The following SLCO3A1 variants were observed in gnomAD, a reference collection of about 807,000 sequenced individuals.
SLCO3A1 encodes solute carrier organic anion transporter family member 3A1.
Under a neutral mutation model 63.1 loss-of-function variants are expected in SLCO3A1, and 27 were observed. That is an observed-to-expected ratio of 0.43 (90% CI 0.32 to 0.59). The LOEUF is 0.59. Among genes scored for constraint, SLCO3A1 ranks in the 20% least tolerant of loss-of-function variants. The pLI, the probability that SLCO3A1 is intolerant of heterozygous loss-of-function variation, is 0.09. For synonymous variants in SLCO3A1, 473 were observed against 409.9 expected, an observed-to-expected ratio of 1.15 and a Z score of -1.86; for missense variants, 773 against 945.8, an observed-to-expected ratio of 0.82 and a Z score of 2.40.
At chr15:91,931,662 G>A (rs964351440) in intron 2 of SLCO3A1, among the ~76,000 whole-genome samples, 4 of 151,858 alleles carry the variant, frequency 2.6e-5, no homozygotes, top group African/African-American at 9.7e-5. Flanking sequence ...GTAGAGATGG[G>A]GTTTCACCAT....
chr15:91,922,596 A>G (rs950774385), intron 2 of SLCO3A1, among the ~76,000 whole-genome samples: 1 of 152,220 alleles, frequency 6.6e-6, no homozygotes, highest in Non-Finnish European at 1.5e-5. Flanking sequence ...TTTTAACTTG[A>G]CATTGGGTAA....
intron 1 of SLCO3A1, among the ~76,000 whole-genome samples, chr15:91,876,318 T>A (rs1188352423): frequency 2.0e-5 from 3 of 152,216 alleles, no homozygotes; most frequent in African/African-American, 7.2e-5. Flanking sequence ...TAAACGCTAG[T>A]GACTGTGATC....
intron 1 of SLCO3A1, among the ~76,000 whole-genome samples, chr15:91,868,443 C>T (rs772474318): frequency 5.0e-5 from 7 of 139,088 alleles, no homozygotes; most frequent in African/African-American, 1.1e-4. Context: ...TTGGAAAATA[C>T]AAATAAACAT....
chr15:91,870,304 C>T (rs1897255614), intron 1 of SLCO3A1, among the ~76,000 whole-genome samples: 1 of 152,144 alleles, frequency 6.6e-6, no homozygotes, highest in South Asian at 2.1e-4. Context: ...AGTTTAATTT[C>T]ACTGAAACTT....
intron 5 of SLCO3A1, among the ~76,000 whole-genome samples, chr15:92,121,974 G>A (rs2047868095): frequency 6.6e-6 from 1 of 152,240 alleles, no homozygotes; most frequent in Non-Finnish European, 1.5e-5. Flanking sequence ...AAGCCCACGA[G>A]AGGGAAGGAG....
chr15:91,884,907 G>A (rs766570314), intron 1 of SLCO3A1, among the ~76,000 whole-genome samples: 42 of 151,962 alleles, frequency 2.8e-4, no homozygotes, highest in Non-Finnish European at 4.6e-4. Flanking sequence ...GAGCATCACG[G>A]AAACTAGTCA....
chr15:92,026,530 C>G (rs963992126), intron 2 of SLCO3A1, among the ~76,000 whole-genome samples: 1 of 152,096 alleles, frequency 6.6e-6, no homozygotes, highest in African/African-American at 2.4e-5. Flanking sequence ...CAGCTAGAGT[C>G]CACAGTAATT....
In SLCO3A1 at chr15:91,917,236, GCTGGATTTTT is replaced by G. The variant is rs376045888; in HGVS notation, c.646+782_646+791del. Reference sequence around the variant, plus strand: ...AGTATAATTCTGTCTCCTGCCAGCTGCTGGATTTTTCTGACATCCCCAGTCACTGAGTGCT... The same window carrying G: ...AGTATAATTCTGTCTCCTGCCAGCTGCTGACATCCCCAGTCACTGAGTGCT... On this transcript the variant is annotated intron_variant, in intron 2 of 9. Coordinates refer to ENST00000318445, the MANE Select transcript of SLCO3A1 (RefSeq NM_013272.4). Among the ~76,000 whole-genome samples the G allele has an allele frequency of 4.1e-3, 622 of 152,256 alleles. 7 individuals carry two copies. The highest frequency in any genetic ancestry group is 0.014 in the African/African-American group (594 of 41,542).
rs2047117090 is a variant in SLCO3A1, at chr15:92,063,890, A to G, written c.647-30991A>G. On this transcript the variant is annotated intron_variant, in intron 2 of 9. Transcript: ENST00000318445. ...AAAAAAATCATGAAGCCAGGCAGGC[A>G]TTGTTTTATTGTTGTTGTTCTTTTG... Among the ~76,000 whole-genome samples the G allele has an allele frequency of 2.6e-5, 4 of 152,130 alleles. No individual in the cohort carries two copies. The South Asian group carries it at 8.3e-4, about 32-fold the overall frequency.
intron 1 of SLCO3A1, among the ~76,000 whole-genome samples, chr15:91,899,565 A>G (rs189112955): frequency 2.0e-5 from 3 of 152,022 alleles, no homozygotes; most frequent in Admixed American, 1.3e-4. Flanking sequence ...ACCACATTCC[A>G]CCTTACATTT....
At chr15:91,888,077 A>T (rs1897772247) in intron 1 of SLCO3A1, among the ~76,000 whole-genome samples, 1 of 152,358 alleles carries the variant, frequency 6.6e-6, no homozygotes, top group South Asian at 2.1e-4. Flanking sequence ...AAACCAAAGT[A>T]AAAGAGCTTT....
At chr15:91,918,671 TAGTG>T (rs1898741267) in intron 2 of SLCO3A1, among the ~76,000 whole-genome samples, 3 of 152,244 alleles carry the variant, frequency 2.0e-5, no homozygotes, top group African/African-American at 7.2e-5. Flanking sequence ...GTGTTTGTGG[TAGTG>T]AGAATATTTC....
In SLCO3A1 at chr15:91,954,836, G is replaced by A. The variant is rs570491744; in HGVS notation, c.646+38378G>A. 2.6e-5 allele frequency among the ~76,000 whole-genome samples: 4 copies of A among 152,132 alleles called. No individual in the cohort carries two copies. The highest frequency in any genetic ancestry group is 3.9e-4 in the East Asian group (2 of 5,164). ...TGGCCTAGACACCATACCCTGAACC[G>A]CCCCCCGTGGTCTCCCGCTGCTTTC... On this transcript the variant is annotated intron_variant, in intron 2 of 9. Transcript: ENST00000318445. This position sits in a 1 kb window ranked among gnomAD's most constrained non-coding sequence, Gnocchi z 4.7.
intron 2 of SLCO3A1, among the ~76,000 whole-genome samples, chr15:92,013,255 G>A (rs1184266114): frequency 3.9e-5 from 6 of 152,188 alleles, no homozygotes; most frequent in Non-Finnish European, 5.9e-5. Flanking sequence ...CAGTTCTCTC[G>A]GCAGCATGGA....
chr15:92,147,489 G>T (rs2048243336), intron 8 of SLCO3A1, among the ~76,000 whole-genome samples: 1 of 152,102 alleles, frequency 6.6e-6, no homozygotes, highest in Non-Finnish European at 1.5e-5. Context: ...TCAGTGCCCA[G>T]CCCCCACCAC....
intron 2 of SLCO3A1, among the ~76,000 whole-genome samples, chr15:92,003,868 G>C (rs763996773): frequency 1.1e-4 from 16 of 152,168 alleles, no homozygotes; most frequent in Non-Finnish European, 2.1e-4. Flanking sequence ...ACTGGAGTAG[G>C]CATTGCCTGG....
At position 92,128,515 on chromosome 15, in the gene SLCO3A1, G is replaced by A. The variant is rs80232704; in HGVS notation, c.1512+26G>A. The A allele has an allele frequency of 3.1e-6, 5 of 1,594,552 alleles. No individual in the cohort carries two copies. The East Asian group carries it at 1.1e-4, about 36-fold the overall frequency. ...GTAATGGGATGGGGCAGGGGATGGG[G>A]CAGGGGATTCAGGCAGCTAAAGTGG... On this transcript the variant is annotated intron_variant, in intron 7 of 9. Coordinates refer to ENST00000318445, the MANE Select transcript of SLCO3A1 (RefSeq NM_013272.4).
intron 3 of SLCO3A1, among the ~76,000 whole-genome samples, chr15:92,095,887 C>A (rs970667538): frequency 1.3e-5 from 2 of 152,208 alleles, no homozygotes; most frequent in Admixed American, 6.5e-5. Flanking sequence ...GCCCTTGAAA[C>A]CTCTACTCAG....
chr15:92,075,092 C>T (rs543346709), intron 2 of SLCO3A1, among the ~76,000 whole-genome samples: 1 of 152,312 alleles, frequency 6.6e-6, no homozygotes, highest in Admixed American at 6.5e-5. Flanking sequence ...TGGTGAGCAG[C>T]TCACTACCCC....
Sources: allele counts gnomAD v4.1 joint callset (sites outside exome capture counted in the v4.1 genomes callset), GRCh38; gene constraint gnomAD v4.1.1; non-coding constraint Gnocchi (gnomAD v3.1); transcripts MANE v1.5; gene names NCBI Gene and HGNC (gene_info 2026-07-23, HGNC 2026-07-21).